The following ARHGAP24 variants were observed in gnomAD, a reference collection of about 807,000 sequenced individuals.
ARHGAP24 encodes Rho GTPase activating protein 24.
Under a neutral mutation model 76.4 loss-of-function variants are expected in ARHGAP24, and 50 were observed. That is an observed-to-expected ratio of 0.65 (90% CI 0.52 to 0.83). The LOEUF is 0.83. Ranked by LOEUF, ARHGAP24 falls within the 40% of genes least tolerant of loss-of-function variation. The probability of loss-of-function intolerance (pLI) is 0.00; values close to 1 mark genes in which losing one functional copy is unlikely to be tolerated. For missense variants in ARHGAP24, 930 were observed against 914.2 expected, an observed-to-expected ratio of 1.02 and a Z score of -0.22; for synonymous variants, 345 against 323.3, an observed-to-expected ratio of 1.07 and a Z score of -0.72.
intron 3 of ARHGAP24, among the ~76,000 whole-genome samples, chr4:85,828,154 T>C (rs1037283435): frequency 6.6e-6 from 1 of 152,198 alleles, no homozygotes; most frequent in African/African-American, 2.4e-5. Context: ...GTGTCTACAT[T>C]GTGGCAACAG....
rs541582794 is a variant in ARHGAP24, at chr4:85,638,248, T to G, written c.180+67527T>G. ...ACTTTATTTAGATCCAAATACCACATTTAATGATACTTATTAGACTTGTAC... is the reference window on the plus strand; with the variant it reads ...ACTTTATTTAGATCCAAATACCACAGTTAATGATACTTATTAGACTTGTAC... On this transcript the variant is annotated intron_variant, in intron 2 of 9. Transcript: ENST00000395184. Among the ~76,000 whole-genome samples, 14 of 152,294 alleles carry G rather than the reference T, an allele frequency of 9.2e-5. 1 individual carries two copies. Among genetic ancestry groups the G allele is most frequent in the Admixed American group, 7.9e-4 (12 of 15,284 alleles).
intron 2 of ARHGAP24, among the ~76,000 whole-genome samples, chr4:85,706,587 A>G (rs1332761585): frequency 6.6e-6 from 1 of 150,854 alleles, no homozygotes; most frequent in Non-Finnish European, 1.5e-5. Context: ...TTCTTTTGAG[A>G]TGGAATCTCA....
chr4:85,595,262 G>A (rs1719762171), intron 2 of ARHGAP24, among the ~76,000 whole-genome samples: 1 of 152,082 alleles, frequency 6.6e-6, no homozygotes, highest in African/African-American at 2.4e-5. Flanking sequence ...AGACCCAGTA[G>A]AAGTTCCTGT....
chr4:85,888,317 T>C (rs1190325471), intron 3 of ARHGAP24, among the ~76,000 whole-genome samples: 1 of 150,932 alleles, frequency 6.6e-6, no homozygotes, highest in Non-Finnish European at 1.5e-5. Flanking sequence ...GGAAAATCGC[T>C]TGAATCCGGG....
chr4:85,962,390 T>C (rs796332402), intron 5 of ARHGAP24, among the ~76,000 whole-genome samples: 8 of 152,228 alleles, frequency 5.3e-5, no homozygotes, highest in African/African-American at 1.9e-4. Context: ...ATTATTTCAT[T>C]CCATTCTTTT....
intron 3 of ARHGAP24, among the ~76,000 whole-genome samples, chr4:85,785,424 G>A (rs906658509): frequency 1.6e-4 from 25 of 152,082 alleles, no homozygotes; most frequent in African/African-American, 6.0e-4. Context: ...AAAGGCAAGT[G>A]AGTATTATAT....
chr4:85,597,978 A>C (rs989941251), intron 2 of ARHGAP24, among the ~76,000 whole-genome samples: 5 of 152,118 alleles, frequency 3.3e-5, no homozygotes, highest in African/African-American at 1.2e-4. Flanking sequence ...TTCAGATGAC[A>C]CTTGGGACAT....
In ARHGAP24 at chr4:86,000,459, C is replaced by A. The variant is rs12505097; in HGVS notation, c.2004-20C>A. ...TACTCTTGCGTCCCCACCCCCCACC[C>A]CCCCCAACATCCTTTGTAGCTTAGA... On this transcript the variant is annotated intron_variant, in intron 9 of 9. Coordinates refer to ENST00000395184, the MANE Select transcript of ARHGAP24 (RefSeq NM_001025616.3). The A allele has an allele frequency of 3.3e-5, 24 of 726,362 alleles. 1 individual carries two copies. Among genetic ancestry groups the A allele is most frequent in the Middle Eastern group, 6.0e-4 (2 of 3,354 alleles). 45.0% of individuals were successfully genotyped at this position (726,362 alleles called of 1,614,324 possible).
At chr4:85,956,713 CCGAT>C (rs1737922048) in intron 5 of ARHGAP24, among the ~76,000 whole-genome samples, 1 of 152,142 alleles carries the variant, frequency 6.6e-6, no homozygotes, top group Admixed American at 6.5e-5. Context: ...AGCCTTTAGC[CCGAT>C]CGGGAGGGGC....
At chr4:85,669,871 GA>G (rs34951722) in intron 2 of ARHGAP24, among the ~76,000 whole-genome samples, 1 of 151,610 alleles carries the variant, frequency 6.6e-6, no homozygotes, top group Non-Finnish European at 1.5e-5. Context: ...CAGCAATTCA[GA>G]AAAAATAAAC....
chr4:85,650,429 A>G (rs746964926), intron 2 of ARHGAP24, among the ~76,000 whole-genome samples: 29 of 149,580 alleles, frequency 1.9e-4, no homozygotes, highest in Non-Finnish European at 4.0e-4. Context: ...TCACTAACCC[A>G]ATGACCTTGG....
chr4:85,612,792 CTTTTTTTTTT>C (rs70948739), intron 2 of ARHGAP24, among the ~76,000 whole-genome samples: 2 of 82,782 alleles, frequency 2.4e-5, no homozygotes, highest in Admixed American at 1.8e-4. Context: ...CTTTCCATTC[CTTTTTTTTTT>C]TTTTTTTTTT....
chr4:85,690,707 CT>C lies in ARHGAP24; in HGVS notation c.181-31177del, dbSNP rs369331205. 5.1e-3 allele frequency among the ~76,000 whole-genome samples: 743 copies of C among 145,574 alleles called. 5 individuals are homozygous for C. Among genetic ancestry groups the C allele is most frequent in the African/African-American group, 0.018 (702 of 38,476 alleles). On this transcript the variant is annotated intron_variant, in intron 2 of 9. Coordinates refer to ENST00000395184, the MANE Select transcript of ARHGAP24 (RefSeq NM_001025616.3). The stretch of plus-strand genomic sequence containing the variant: ...GTTTGGGTGTTCTCACCCATGCCCA[CT>C]CCCCCTTTTTTTTTTTTGCTCTTAA...
intron 8 of ARHGAP24, among the ~76,000 whole-genome samples, chr4:85,986,064 T>G (rs1301147333): frequency 1.3e-5 from 2 of 152,228 alleles, no homozygotes; most frequent in African/African-American, 4.8e-5. Context: ...CTATTTGCAG[T>G]CAACTGACAT....
At chr4:85,725,384 C>T (rs1725130838) in intron 3 of ARHGAP24, among the ~76,000 whole-genome samples, 1 of 152,206 alleles carries the variant, frequency 6.6e-6, no homozygotes, top group African/African-American at 2.4e-5. Flanking sequence ...CTATGTTGAA[C>T]TATTTCCTGT....
intron 3 of ARHGAP24, among the ~76,000 whole-genome samples, chr4:85,758,257 G>A (rs1050831716): frequency 1.3e-5 from 2 of 152,154 alleles, no homozygotes; most frequent in Admixed American, 6.5e-5. Context: ...GAAGATAGCC[G>A]TGTACCTACA....
At chr4:85,621,387 A>C (rs971693834) in intron 2 of ARHGAP24, among the ~76,000 whole-genome samples, 1 of 152,108 alleles carries the variant, frequency 6.6e-6, no homozygotes, top group Admixed American at 6.6e-5. Flanking sequence ...TCCCACCAAT[A>C]GTGTATAAAT....
chr4:85,763,788 G>T (rs1726824860), intron 3 of ARHGAP24, among the ~76,000 whole-genome samples: 1 of 152,024 alleles, frequency 6.6e-6, no homozygotes, highest in Non-Finnish European at 1.5e-5. Context: ...GTTTTCAGAA[G>T]TATATGATGT....
chr4:85,814,551 T>C (rs1729155094), intron 3 of ARHGAP24, among the ~76,000 whole-genome samples: 1 of 152,156 alleles, frequency 6.6e-6, no homozygotes, highest in African/African-American at 2.4e-5. Flanking sequence ...TCCAAAATGA[T>C]CTCCTTTGAC....
Sources: allele counts gnomAD v4.1 joint callset (sites outside exome capture counted in the v4.1 genomes callset), GRCh38; gene constraint gnomAD v4.1.1; transcripts MANE v1.5; gene names NCBI Gene and HGNC (gene_info 2026-07-23, HGNC 2026-07-21).